The following IFRD1 variants were observed in gnomAD, a reference collection of about 807,000 sequenced individuals.
IFRD1 encodes interferon-related developmental regulator 1.
A neutral mutation model predicts 52.9 loss-of-function variants in IFRD1; 35 were observed. The observed-to-expected ratio is 0.66, with a 90% confidence interval of 0.51 to 0.88. The LOEUF (loss-of-function observed/expected upper bound fraction) is 0.88. Among genes scored for constraint, IFRD1 ranks in the 40% least tolerant of loss-of-function variants. The pLI is 0.00. For synonymous variants in IFRD1, 184 were observed against 188.4 expected (o/e 0.98, Z 0.19); for missense variants, 517 against 550.8 (o/e 0.94, Z 0.61).
intron 1 of IFRD1, among the ~76,000 whole-genome samples, chr7:112,454,781 C>G (rs1795245533): frequency 6.6e-6 from 1 of 150,734 alleles, no homozygotes; most frequent in Admixed American, 6.6e-5. Flanking sequence ...TGATACAACA[C>G]TATTTCTGGA....
At chr7:112,424,321 G>A (rs9640740) in intron 1 of IFRD1, among the ~76,000 whole-genome samples, 38,672 of 152,074 alleles carry the variant, frequency 0.25, 6,342 homozygotes, top group East Asian at 0.61. Context: ...GAGGTAATCT[G>A]GTGCTCTGGA....
At chr7:112,434,658 A>G (rs1794628786) in intron 1 of IFRD1, among the ~76,000 whole-genome samples, 1 of 152,242 alleles carries the variant, frequency 6.6e-6, no homozygotes. Flanking sequence ...TATTACATAA[A>G]GACAAATTAT....
chr7:112,433,819 A>G (rs1346010341), intron 1 of IFRD1, among the ~76,000 whole-genome samples: 3 of 148,390 alleles, frequency 2.0e-5, no homozygotes, highest in South Asian at 2.2e-4. Flanking sequence ...TTTCACAACT[A>G]AATATAATTT....
intron 1 of IFRD1, among the ~76,000 whole-genome samples, chr7:112,441,147 C>T (rs112470936): frequency 0.017 from 2,518 of 152,052 alleles, 73 homozygotes; most frequent in African/African-American, 0.056. Context: ...TCGTGGTGTG[C>T]GCCTGTAATC....
intron 1 of IFRD1, among the ~76,000 whole-genome samples, chr7:112,441,943 A>G (rs1246709207): frequency 6.6e-6 from 1 of 152,208 alleles, no homozygotes; most frequent in Non-Finnish European, 1.5e-5. Context: ...GAGTTGTGTG[A>G]TTCCTAGCAC....
Position 112,462,123 on chromosome 7 carries a change from A to G in IFRD1, c.741A>G (p.Ala247=), listed in dbSNP as rs753919487. ...NTVLHISSLL[A]WTLLLTICPI... ...TGCTTCATATCAGCTCTCTTCTTGC[A>G]TGGACACTACTGCTGACCATATGCC... is the stretch of plus-strand genomic sequence containing the variant. Residue 247 remains alanine, a synonymous_variant, in exon 7 of 12, where the codon GCA becomes GCG. Coordinates refer to ENST00000403825, the MANE Select transcript of IFRD1 (RefSeq NM_001550.4). 24 of 1,613,756 alleles carry G rather than the reference A, an allele frequency of 1.5e-5. No homozygotes were observed. Among genetic ancestry groups the G allele is most frequent in the Non-Finnish European group, 2.0e-5 (24 of 1,179,902 alleles).
chr7:112,448,645 A>G (rs1795083169), upstream of IFRD1, among the ~76,000 whole-genome samples: 1 of 152,216 alleles, frequency 6.6e-6, no homozygotes, highest in Non-Finnish European at 1.5e-5. Context: ...CTGCTTCAGG[A>G]TTAAACAAAG....
At chr7:112,456,125 G>T in intron 3 of IFRD1, 39 bp downstream of exon 3, 1 of 1,114,658 alleles carries the variant, frequency 9.0e-7, no homozygotes, top group Non-Finnish European at 1.4e-6. Flanking sequence ...GTGAGTCTAT[G>T]CTTGATCTTA....
At chr7:112,452,326 AT>A in intron 1 of IFRD1, 1 of 347,670 alleles carries the variant, frequency 2.9e-6, no homozygotes, top group Non-Finnish European at 4.0e-6. Flanking sequence ...ATTCCTGGCT[AT>A]TTTTTACATT....
intron 1 of IFRD1, among the ~76,000 whole-genome samples, chr7:112,426,799 T>C (rs1159965301): frequency 6.6e-6 from 1 of 152,164 alleles, no homozygotes; most frequent in Non-Finnish European, 1.5e-5. Context: ...GATAAAACCT[T>C]AGTCTCCACA....
At chr7:112,466,593 A>G (rs969069681) in intron 8 of IFRD1, among the ~76,000 whole-genome samples, 4 of 152,178 alleles carry the variant, frequency 2.6e-5, no homozygotes, top group Non-Finnish European at 5.9e-5. Flanking sequence ...CAGATGTTCA[A>G]TGGGAGGTAA....
intron 1 of IFRD1, among the ~76,000 whole-genome samples, chr7:112,454,489 G>C (rs779260094): frequency 1.3e-5 from 2 of 151,904 alleles, no homozygotes; most frequent in African/African-American, 4.8e-5. Flanking sequence ...CACCGCACCC[G>C]GCCAGCATTG....
In IFRD1 at chr7:112,472,772, G is replaced by A. The variant is rs1323939253; in HGVS notation, c.1177G>A (p.Glu393Lys). 6.2e-7 allele frequency: 1 copy of A among 1,602,470 alleles called. No homozygotes were observed. Among genetic ancestry groups the A allele is most frequent in the Non-Finnish European group, 8.6e-7 (1 of 1,169,536 alleles). The change falls in exon 11 of 12, where the codon GAA becomes AAA. Residue 393 changes from glutamate to lysine, a missense_variant. Glu to Lys is a moderately conservative substitution (Grantham distance 56). Coordinates refer to ENST00000403825, the MANE Select transcript of IFRD1 (RefSeq NM_001550.4). ...SGMQYHLQSN[E>K]FLRNVFELGP... ...CCTTTTTCTTTCACATAAGTCAAATGAATTCCTTCGAAATGTATTTGAACT... is the reference window on the plus strand; with the variant it reads ...CCTTTTTCTTTCACATAAGTCAAATAAATTCCTTCGAAATGTATTTGAACT...
intron 9 of IFRD1, among the ~76,000 whole-genome samples, chr7:112,469,084 G>A (rs1315410412): frequency 6.6e-6 from 1 of 152,156 alleles, no homozygotes; most frequent in Non-Finnish European, 1.5e-5. Flanking sequence ...GGTAGGCCAG[G>A]TAAATATTTC....
chr7:112,452,120 T>C (rs1362012998), intron 1 of IFRD1: 1 of 983,576 alleles, frequency 1.0e-6, no homozygotes, highest in East Asian at 1.1e-4. Flanking sequence ...TGTAATTTAT[T>C]GTGGCCTCTG....
intron 11 of IFRD1, among the ~76,000 whole-genome samples, chr7:112,473,132 T>C (rs1005097140): frequency 6.6e-6 from 1 of 151,956 alleles, no homozygotes; most frequent in Non-Finnish European, 1.5e-5. Flanking sequence ...GAGAAAAGAA[T>C]ATTGCTGCTT....
At chr7:112,448,176 A>G (rs1044882237), upstream of IFRD1, among the ~76,000 whole-genome samples, 11 of 151,914 alleles carry the variant, frequency 7.2e-5, no homozygotes, top group Non-Finnish European at 1.2e-4. Context: ...AAAGAAATTA[A>G]AAAGAGGAAA....
At chr7:112,431,096 G>T (rs1794537858) in intron 1 of IFRD1, among the ~76,000 whole-genome samples, 1 of 152,036 alleles carries the variant, frequency 6.6e-6, no homozygotes, top group South Asian at 2.1e-4. Context: ...GTTACTACCA[G>T]TATCCTGTGT....
At position 112,459,410 on chromosome 7, in the gene IFRD1, C is replaced by T. The variant is rs752563901; in HGVS notation, c.567+392C>T. 1.4e-4 allele frequency among the ~76,000 whole-genome samples: 22 copies of T among 151,868 alleles called. No homozygotes were observed. The South Asian group carries it at 2.1e-3, about 14-fold the overall frequency. On this transcript the variant is annotated intron_variant, in intron 5 of 11. Transcript: ENST00000403825. ...GGGGTTTTATTTTTTGTTTTTGGTG[C>T]GGTAATAAGTGATACAAGTGATCAT...
Sources: allele counts gnomAD v4.1 joint callset (sites outside exome capture counted in the v4.1 genomes callset), GRCh38; gene constraint gnomAD v4.1.1; transcripts MANE v1.5; gene names NCBI Gene and HGNC (gene_info 2026-07-23, HGNC 2026-07-21).